The following EPHX2 variants were observed in gnomAD, a reference collection of about 807,000 sequenced individuals.
EPHX2 encodes the protein epoxide hydrolase 2.
A neutral mutation model predicts 78.7 loss-of-function variants in EPHX2; 74 were observed. That is an observed-to-expected ratio of 0.94 (90% CI 0.78 to 1.14). The LOEUF (loss-of-function observed/expected upper bound fraction) is 1.14. Ranked by LOEUF, EPHX2 falls within the 50% of genes most tolerant of loss-of-function variation. The pLI is 0.00. For synonymous variants in EPHX2, 251 were observed against 255.2 expected, an observed-to-expected ratio of 0.98 and a Z score of 0.16; for missense variants, 715 against 702.5, an observed-to-expected ratio of 1.02 and a Z score of -0.20.
At chr8:27,492,126 C>G (rs1813402064) in intron 1 of EPHX2, among the ~76,000 whole-genome samples, 1 of 152,192 alleles carries the variant, frequency 6.6e-6, no homozygotes, top group Admixed American at 6.5e-5. Context: ...AAGAAACCAG[C>G]TGTCCAAATC....
chr8:27,518,123 A>G, intron 9 of EPHX2, 51 bp downstream of exon 9: 1 of 1,524,168 alleles, frequency 6.6e-7, no homozygotes, highest in South Asian at 1.2e-5. Flanking sequence ...TTTTGTTGCT[A>G]TAAACCCGAA....
chr8:27,543,401 T>G (rs986708357), intron 16 of EPHX2, among the ~76,000 whole-genome samples: 1 of 152,166 alleles, frequency 6.6e-6, no homozygotes, highest in African/African-American at 2.4e-5. Context: ...TCTGGAACCT[T>G]GGTCGCCCCT....
chr8:27,540,754 C>A (rs62504305), intron 15 of EPHX2, 98 bp downstream of exon 15: 1 of 1,164,820 alleles, frequency 8.6e-7, no homozygotes, highest in Non-Finnish European at 1.3e-6. Flanking sequence ...TCTCCTCCAC[C>A]ACAGCCCTCG....
At chr8:27,538,758 C>G (rs757999102) in intron 14 of EPHX2, 66 bp downstream of exon 14, 6 of 1,557,960 alleles carry the variant, frequency 3.9e-6, no homozygotes, top group Non-Finnish European at 5.3e-6. Context: ...GTTTCTGTCT[C>G]TGACTGCTAT....
chr8:27,497,375 T>A (rs184631578), intron 1 of EPHX2, among the ~76,000 whole-genome samples: 268 of 152,320 alleles, frequency 1.8e-3, no homozygotes, highest in African/African-American at 5.8e-3. Flanking sequence ...TAAAGTGTCC[T>A]TGCAAAGCAC....
chr8:27,523,063 G>A (rs937414558), intron 11 of EPHX2, among the ~76,000 whole-genome samples: 1 of 151,776 alleles, frequency 6.6e-6, no homozygotes, highest in African/African-American at 2.4e-5. Flanking sequence ...TTCAGGGCCC[G>A]AGTGGCCAGT....
chr8:27,525,107 T>TGTGTGTGTGTGTGCGC, intron 11 of EPHX2, among the ~76,000 whole-genome samples: 1 of 103,494 alleles, frequency 9.7e-6, no homozygotes, highest in South Asian at 2.9e-4. Context: ...TGTGTGTGTG[T>TGTGTGTGTGTGTGCGC]GCGCGCGCGC....
At chr8:27,493,262 C>T (rs1442444827) in intron 1 of EPHX2, 1 of 152,832 alleles carries the variant, frequency 6.5e-6, no homozygotes, top group Admixed American at 6.5e-5. Flanking sequence ...AAGGTGTTGT[C>T]TGGTTTCAGA....
chr8:27,541,593 G>C, intron 16 of EPHX2, 51 bp downstream of exon 16: 1 of 1,602,836 alleles, frequency 6.2e-7, no homozygotes, highest in African/African-American at 1.3e-5. Flanking sequence ...ACCCGCCCGC[G>C]GGGCTTCCCA....
chr8:27,504,818 A>G (rs1813933968), intron 3 of EPHX2, 138 bp from the exon 4 acceptor site: 1 of 812,950 alleles, frequency 1.2e-6, no homozygotes, highest in Non-Finnish European at 2.0e-6. Flanking sequence ...CCAATTTGTC[A>G]GTTGAAAGTT....
At chr8:27,525,107 T>TGTGCGCGCGCGC (rs1491544464) in intron 11 of EPHX2, among the ~76,000 whole-genome samples, 6 of 103,494 alleles carry the variant, frequency 5.8e-5, no homozygotes, top group African/African-American at 2.2e-4. Flanking sequence ...TGTGTGTGTG[T>TGTGCGCGCGCGC]GCGCGCGCGC....
At chr8:27,530,493 C>T (rs1814999409) in intron 12 of EPHX2, among the ~76,000 whole-genome samples, 1 of 152,108 alleles carries the variant, frequency 6.6e-6, no homozygotes, top group Non-Finnish European at 1.5e-5. Flanking sequence ...AGCACACACA[C>T]ATATATAATT....
At chr8:27,511,435 C>T (rs1228509208) in intron 5 of EPHX2, among the ~76,000 whole-genome samples, 2 of 152,254 alleles carry the variant, frequency 1.3e-5, no homozygotes, top group South Asian at 4.1e-4. Flanking sequence ...CCAGGGGCTT[C>T]GCCTCATGCA....
chr8:27,541,350 GCC>G, intron 15 of EPHX2, 121 bp from the exon 16 acceptor site: 1 of 998,626 alleles, frequency 1.0e-6, no homozygotes, highest in Non-Finnish European at 1.5e-6. Context: ...CTATTCTCTT[GCC>G]CCTGCAGGAG....
chr8:27,505,869 G>T (rs1317082805), intron 4 of EPHX2, among the ~76,000 whole-genome samples: 1 of 152,218 alleles, frequency 6.6e-6, no homozygotes, highest in Non-Finnish European at 1.5e-5. Flanking sequence ...TGGCTTCCAG[G>T]TTGGATGAGC....
At chr8:27,502,640 C>T (rs1813843172) in intron 2 of EPHX2, among the ~76,000 whole-genome samples, 2 of 152,152 alleles carry the variant, frequency 1.3e-5, no homozygotes, top group African/African-American at 4.8e-5. Context: ...GCTGTATCCT[C>T]ACATGGTAGA....
intron 12 of EPHX2, among the ~76,000 whole-genome samples, chr8:27,526,244 A>G (rs1434394123): frequency 5.3e-5 from 8 of 152,220 alleles, no homozygotes; most frequent in Admixed American, 3.3e-4. Context: ...CCCAGTTTCG[A>G]TTCAACGAGT....
chr8:27,544,337 G>A lies in EPHX2; in HGVS notation c.1589+93G>A, dbSNP rs2132810963. The A allele has an allele frequency of 1.9e-6, 3 of 1,593,166 alleles. 1 individual carries two copies. In the South Asian group the frequency reaches 3.3e-5, roughly 18 times the overall value. ...TCCTGGTTTCATTGTGCTGGCTTTG[G>A]CCTGGCTTAGCCACTCATGTCACTC... On this transcript the variant is annotated intron_variant, in intron 18 of 18. Coordinates refer to ENST00000521400, the MANE Select transcript of EPHX2 (RefSeq NM_001979.6).
chr8:27,501,396 T>TCTG (rs1813795228), intron 2 of EPHX2, among the ~76,000 whole-genome samples: 1 of 129,150 alleles, frequency 7.7e-6, no homozygotes, highest in African/African-American at 2.9e-5. Context: ...TCTTCTTCTT[T>TCTG]CTTCTTTCTT....
Sources: allele counts gnomAD v4.1 joint callset (sites outside exome capture counted in the v4.1 genomes callset), GRCh38; gene constraint gnomAD v4.1.1; transcripts MANE v1.5; gene names NCBI Gene and HGNC (gene_info 2026-07-23, HGNC 2026-07-21).